PCDHA1: variants seen among roughly 807,000 people sequenced by gnomAD.
PCDHA1 encodes the protein protocadherin alpha 1, also known as protocadherin alpha-1.
A neutral mutation model predicts 61.3 loss-of-function variants in PCDHA1; 42 were observed. The observed-to-expected ratio is 0.69, with a 90% CI of 0.54 to 0.89. The LOEUF (loss-of-function observed/expected upper bound fraction) is 0.89. PCDHA1 is among the 40% of genes least tolerant of loss of function. The probability of loss-of-function intolerance (pLI) is 0.00; values close to 1 mark genes in which losing one functional copy is unlikely to be tolerated. For synonymous variants in PCDHA1, 610 were observed against 553.8 expected (o/e 1.10, Z -1.43); for missense variants, 1,256 against 1,235.3 (o/e 1.02, Z -0.25).
intron 1 of PCDHA1, chr5:140,850,121 G>T (rs2150468757): frequency 6.3e-7 from 1 of 1,595,960 alleles, no homozygotes; most frequent in Non-Finnish European, 8.6e-7. Flanking sequence ...ACGCGGGCGT[G>T]CCGCCTCTGG....
intron 1 of PCDHA1, among the ~76,000 whole-genome samples, chr5:140,831,543 T>C: frequency 8.4e-6 from 1 of 118,834 alleles, no homozygotes; most frequent in East Asian, 2.4e-4. Flanking sequence ...TTTTTTTTTT[T>C]TAAGAGATGG....
intron 1 of PCDHA1, chr5:140,850,828 C>T: frequency 6.3e-7 from 1 of 1,598,230 alleles, no homozygotes; most frequent in African/African-American, 1.3e-5. Context: ...GGCCTTTCTC[C>T]TTGTGCTGGA....
rs552604909 is a variant in PCDHA1, at chr5:141,005,474, C to T, written c.2543-4153C>T. ...ATCCCAGCACTTTGGGAGGCCGAGACGGGCGGATCATGAGGTCAGGAGATC... is the reference window on the plus strand; with the variant it reads ...ATCCCAGCACTTTGGGAGGCCGAGATGGGCGGATCATGAGGTCAGGAGATC... On this transcript the variant is annotated intron_variant, in intron 3 of 3. Coordinates refer to ENST00000504120, the MANE Select transcript of PCDHA1 (RefSeq NM_018900.4). 1.6e-3 allele frequency among the ~76,000 whole-genome samples: 236 copies of T among 151,848 alleles called. 1 individual carries two copies. The highest frequency in any genetic ancestry group is 4.9e-3 in the African/African-American group (204 of 41,424).
chr5:140,991,534 T>C (rs1393603513), intron 3 of PCDHA1, among the ~76,000 whole-genome samples: 1 of 152,236 alleles, frequency 6.6e-6, no homozygotes, highest in African/African-American at 2.4e-5. Context: ...CTTGCCACTA[T>C]ATAACAAGGA....
intron 1 of PCDHA1, chr5:140,850,815 C>T: frequency 6.3e-7 from 1 of 1,598,236 alleles, no homozygotes; most frequent in Non-Finnish European, 8.6e-7. Context: ...GGCCTTCAGC[C>T]CGGGCCTTTC....
intron 1 of PCDHA1, chr5:140,928,259 A>G: frequency 6.2e-7 from 1 of 1,614,218 alleles, no homozygotes; most frequent in Non-Finnish European, 8.5e-7. Context: ...TTCGTTGCTG[A>G]AAACAATGGC....
chr5:140,794,220 T>C (rs1554119077), intron 1 of PCDHA1, among the ~76,000 whole-genome samples: 1 of 152,234 alleles, frequency 6.6e-6, no homozygotes, highest in Non-Finnish European at 1.5e-5. Flanking sequence ...TGTTACAATA[T>C]GGATGAACCT....
intron 1 of PCDHA1, among the ~76,000 whole-genome samples, chr5:140,934,524 G>A (rs181182103): frequency 4.4e-4 from 67 of 152,192 alleles, no homozygotes; most frequent in Admixed American, 3.1e-3. Context: ...ACCACACTTC[G>A]AGAGCTACCG....
rs1554140693 is a variant in PCDHA1, at chr5:140,844,620, C to G, written c.2394+55936C>G. On this transcript the variant is annotated intron_variant, in intron 1 of 3. Coordinates refer to ENST00000504120, the MANE Select transcript of PCDHA1 (RefSeq NM_018900.4). Reference sequence around the variant, plus strand: ...ATATGACTTAGAAAAATGTTTTCATCAGAAAAACTATACATGATAATTTCA... The same window carrying G: ...ATATGACTTAGAAAAATGTTTTCATGAGAAAAACTATACATGATAATTTCA... Among the ~76,000 whole-genome samples, 3 of 149,238 alleles carry G rather than the reference C, an allele frequency of 2.0e-5. 1 individual carries two copies. Among genetic ancestry groups the G allele is most frequent in the Non-Finnish European group, 3.0e-5 (2 of 66,778 alleles).
intron 1 of PCDHA1, chr5:140,824,624 T>TTTTTTTTTTTTTTTTTTTTTTTTTG (rs1562279900): frequency 7.6e-6 from 1 of 131,674 alleles, no homozygotes; most frequent in Non-Finnish European, 1.6e-5. Context: ...TTTTTTTTTT[T>TTTTTTTTTTTTTTTTTTTTTTTTTG]TTTTTTTTAT....
chr5:140,794,810 A>G, intron 1 of PCDHA1: 1 of 793,404 alleles, frequency 1.3e-6, no homozygotes, highest in Non-Finnish European at 2.0e-6. Context: ...TGTCCACCAT[A>G]GAGTGTTCTC....
At chr5:140,866,021 G>A (rs2049106478) in intron 1 of PCDHA1, 1 of 152,210 alleles carries the variant, frequency 6.6e-6, no homozygotes, top group Middle Eastern at 3.4e-3. Flanking sequence ...TTTCTTGTAA[G>A]AGTTCGTGAT....
At chr5:140,801,584 C>T (rs1554121552) in intron 1 of PCDHA1, 2 of 1,614,200 alleles carry the variant, frequency 1.2e-6, no homozygotes, top group East Asian at 2.2e-5. Flanking sequence ...TTAATGACAA[C>T]GCGCCAGTTT....
intron 1 of PCDHA1, chr5:140,928,695 C>T (rs782305388): frequency 9.3e-6 from 15 of 1,614,058 alleles, no homozygotes; most frequent in Non-Finnish European, 1.3e-5. Context: ...ACCACATCTC[C>T]CGGGCGTCTG....
chr5:140,967,018 G>T, intron 1 of PCDHA1: 1 of 1,607,168 alleles, frequency 6.2e-7, no homozygotes, highest in Non-Finnish European at 8.5e-7. Context: ...ATCTGGGTGC[G>T]CCCAGTCCGC....
In PCDHA1 at chr5:140,786,577, G is replaced by A. The variant is rs1554117437; in HGVS notation, c.287G>A (p.Cys96Tyr). ...TCTCGGATCGATCGCGAGGAGCTGT[G>A]CCAGTGGAGCGCGGAGTGCAGCATC... ...VNSRIDREEL[C>Y]QWSAECSIHL... The change falls in exon 1 of 4, where the codon TGC (cysteine) becomes TAC (tyrosine). Residue 96 changes from cysteine (C) to tyrosine (Y), a missense_variant. Coordinates refer to ENST00000504120, the MANE Select transcript of PCDHA1 (RefSeq NM_018900.4). 6.2e-7 allele frequency: 1 copy of A among 1,614,256 alleles called. No homozygotes were observed. Among genetic ancestry groups the A allele is most frequent in the Non-Finnish European group, 8.5e-7 (1 of 1,180,044 alleles).
chr5:140,827,890 T>G, intron 1 of PCDHA1: 1 of 710,840 alleles, frequency 1.4e-6, no homozygotes, highest in Non-Finnish European at 2.3e-6. Context: ...ATTGATTTCT[T>G]ACCTTTTGGA....
chr5:140,863,488 A>G (rs1554158271), intron 1 of PCDHA1: 1 of 451,898 alleles, frequency 2.2e-6, no homozygotes, highest in Admixed American at 2.5e-5. Context: ...CCCAAGGTCA[A>G]CATTACGGCT....
intron 1 of PCDHA1, chr5:140,795,625 G>A (rs1761976025): frequency 6.2e-7 from 1 of 1,614,176 alleles, no homozygotes; most frequent in African/African-American, 1.3e-5. Flanking sequence ...GGGCAAACCT[G>A]AGCTCACGGG....
Sources: gnomAD v4.1 joint callset for allele counts (sites outside exome capture counted in the v4.1 genomes callset) on GRCh38, gnomAD v4.1.1 for gene constraint, MANE v1.5 for transcripts, NCBI Gene and HGNC (gene_info 2026-07-23, HGNC 2026-07-21) for gene names.